Variants in TRPM3 observed in about 807,000 individuals in gnomAD.
TRPM3 encodes the protein long transient receptor potential channel 3.
TRPM3 carries 77 observed loss-of-function variants against 181.2 expected under a neutral mutation model. The observed-to-expected ratio is 0.42, with a 90% confidence interval of 0.35 to 0.51. TRPM3 has a LOEUF of 0.51. Among genes scored for constraint, TRPM3 ranks in the 20% least tolerant of loss-of-function variants. The pLI is 0.01. For missense variants in TRPM3, 1,759 were observed against 2,196.7 expected, an observed-to-expected ratio of 0.80 and a Z score of 3.98; for synonymous variants, 745 against 796.4, an observed-to-expected ratio of 0.94 and a Z score of 1.09.
At chr9:70,621,008 T>TTATA (rs1034738505) in intron 15 of TRPM3, among the ~76,000 whole-genome samples, 1 of 146,804 alleles carries the variant, frequency 6.8e-6, no homozygotes, top group East Asian at 1.9e-4. Context: ...TTATGACACA[T>TTATA]TATATATATA....
Position 70,625,338 on chromosome 9 carries a change from G to A in TRPM3, c.1669-7C>T, listed in dbSNP as rs1429739178. The stretch of plus-strand genomic sequence containing the variant: ...AGTCTGGGGGCAGGTTCCCCTATCA[G>A]GGTAGAATGAAACAAACAGACAAAT... On this transcript the variant is annotated splice_region_variant and splice_polypyrimidine_tract_variant and intron_variant, in intron 13 of 25. Transcript: ENST00000677713. The surrounding 1 kb of genome is among the most constrained non-coding windows in gnomAD (Gnocchi z 4.8). The A allele has an allele frequency of 6.2e-7, 1 of 1,613,902 alleles. No individual in the cohort carries two copies. The highest frequency in any genetic ancestry group is 8.5e-7 in the Non-Finnish European group (1 of 1,180,008).
At chr9:71,167,171 T>C (rs1377410839) in intron 1 of TRPM3, among the ~76,000 whole-genome samples, 1 of 152,218 alleles carries the variant, frequency 6.6e-6, no homozygotes, top group Admixed American at 6.5e-5. Context: ...AAAGACCATT[T>C]GTGCTAGTCA....
chr9:71,187,889 T>TGATAGATA (rs5898183), intron 1 of TRPM3, among the ~76,000 whole-genome samples: 91 of 146,212 alleles, frequency 6.2e-4, no homozygotes, highest in East Asian at 8.2e-4. Context: ...GGCAGACAGA[T>TGATAGATA]GATAGATAGA....
intron 8 of TRPM3, among the ~76,000 whole-genome samples, chr9:70,759,286 G>A (rs10123468): frequency 9.2e-5 from 14 of 152,232 alleles, no homozygotes; most frequent in Non-Finnish European, 1.2e-4. Context: ...CAATGAGATA[G>A]CATCTCACTC....
intron 1 of TRPM3, among the ~76,000 whole-genome samples, chr9:71,098,331 T>A (rs988981719): frequency 6.6e-6 from 1 of 152,082 alleles, no homozygotes; most frequent in African/African-American, 2.4e-5. Context: ...TGAAGCCTAT[T>A]TTTACATCAT....
At position 70,699,643 on chromosome 9, in the gene TRPM3, CTGATAAG is replaced by C. The variant is rs145080384; in HGVS notation, c.1273-18072_1273-18066del. On this transcript the variant is annotated intron_variant, in intron 8 of 25. Coordinates refer to ENST00000677713, the MANE Select transcript of TRPM3 (RefSeq NM_001366145.2). ...GAAGTAGTTACTCAAGATCACTAAG[CTGATAAG>C]TGACAGAATCAAGATTTGACCTCAG... is the stretch of plus-strand genomic sequence containing the variant. 1.6e-4 allele frequency among the ~76,000 whole-genome samples: 24 copies of C among 152,292 alleles called. 1 individual carries two copies. In the East Asian group the frequency reaches 4.6e-3, roughly 29 times the overall value.
At chr9:71,146,554 C>T (rs1215927751) in intron 1 of TRPM3, among the ~76,000 whole-genome samples, 1 of 152,100 alleles carries the variant, frequency 6.6e-6, no homozygotes, top group Non-Finnish European at 1.5e-5. Context: ...CTCAATTATG[C>T]CCCAGGGAGC....
intron 1 of TRPM3, among the ~76,000 whole-genome samples, chr9:71,174,949 G>A (rs1178700257): frequency 1.3e-5 from 2 of 152,140 alleles, no homozygotes; most frequent in African/African-American, 4.8e-5. Context: ...AGGAGGAGCT[G>A]GAGTTACTGG....
At chr9:71,314,529 G>A (rs2088355267) in intron 1 of TRPM3, among the ~76,000 whole-genome samples, 1 of 152,100 alleles carries the variant, frequency 6.6e-6, no homozygotes, top group Non-Finnish European at 1.5e-5. Context: ...AATGGAGAGG[G>A]AAACCGAAAT....
chr9:70,598,806 T>G, intron 20 of TRPM3, 136 bp from the exon 21 acceptor site: 8 of 1,049,068 alleles, frequency 7.6e-6, no homozygotes, highest in Non-Finnish European at 1.1e-5. Context: ...ACTTGCATGC[T>G]GTAAAAGTCC....
chr9:71,301,346 T>C (rs1377311107), intron 1 of TRPM3, among the ~76,000 whole-genome samples: 2 of 152,168 alleles, frequency 1.3e-5, no homozygotes, highest in African/African-American at 4.8e-5. Context: ...AGTTCTAAAA[T>C]AATTCCCAGG....
chr9:71,302,076 T>C (rs564399962), intron 1 of TRPM3, among the ~76,000 whole-genome samples: 9 of 152,172 alleles, frequency 5.9e-5, no homozygotes, highest in African/African-American at 1.7e-4. Flanking sequence ...AATGTCTACA[T>C]AAAACAAAAA....
intron 1 of TRPM3, among the ~76,000 whole-genome samples, chr9:71,439,446 G>T (rs562076959): frequency 2.6e-5 from 4 of 152,274 alleles, no homozygotes; most frequent in East Asian, 3.9e-4. Flanking sequence ...TGGGGGGCAG[G>T]TATTTTCATC....
intron 9 of TRPM3, among the ~76,000 whole-genome samples, chr9:70,679,701 T>C (rs1244418547): frequency 1.3e-5 from 2 of 152,196 alleles, no homozygotes; most frequent in East Asian, 3.8e-4. Flanking sequence ...GCCTGTAAAA[T>C]CTGGTAATTG....
At chr9:71,146,422 T>C (rs1223798014) in intron 1 of TRPM3, among the ~76,000 whole-genome samples, 1 of 152,158 alleles carries the variant, frequency 6.6e-6, no homozygotes, top group East Asian at 1.9e-4. Context: ...TTCCAATCTA[T>C]GAGCCATTAA....
chr9:70,895,969 C>T (rs1161369863), intron 1 of TRPM3, among the ~76,000 whole-genome samples: 1 of 152,044 alleles, frequency 6.6e-6, no homozygotes, highest in Non-Finnish European at 1.5e-5. Context: ...AATGTACCCT[C>T]TTATAAAAAG....
chr9:71,021,823 A>G (rs1050142795), intron 1 of TRPM3, among the ~76,000 whole-genome samples: 3 of 152,324 alleles, frequency 2.0e-5, no homozygotes, highest in African/African-American at 7.2e-5. Flanking sequence ...AAGAAGAAGG[A>G]ATAGAGATGA....
chr9:70,562,438 A>G (rs968451215), intron 22 of TRPM3, among the ~76,000 whole-genome samples: 1 of 152,202 alleles, frequency 6.6e-6, no homozygotes, highest in Non-Finnish European at 1.5e-5. Context: ...GGGGAAAAAA[A>G]GGGACCAATG....
chr9:70,974,605 T>C (rs1259313243), intron 1 of TRPM3, among the ~76,000 whole-genome samples: 8 of 151,826 alleles, frequency 5.3e-5, no homozygotes, highest in Non-Finnish European at 1.2e-4. Context: ...GGCACATGCC[T>C]GTAGTCCTAG....
Sources: gnomAD v4.1 joint callset for allele counts (sites outside exome capture counted in the v4.1 genomes callset) on GRCh38, gnomAD v4.1.1 for gene constraint, Gnocchi (gnomAD v3.1) non-coding constraint, MANE v1.5 for transcripts, NCBI Gene and HGNC (gene_info 2026-07-23, HGNC 2026-07-21) for gene names.